The following TRPC1 variants were observed in gnomAD, a reference collection of about 807,000 sequenced individuals.
The protein encoded by TRPC1 is short transient receptor potential channel 1.
TRPC1 carries 42 observed loss-of-function variants against 88.2 expected under a neutral mutation model. That is an observed-to-expected ratio of 0.48 (90% CI 0.37 to 0.62). TRPC1 has a LOEUF of 0.62. Ranked by LOEUF, TRPC1 falls within the 20% of genes least tolerant of loss-of-function variation. The pLI is 0.00. For synonymous variants in TRPC1, 288 were observed against 331.8 expected (o/e 0.87, Z 1.43); for missense variants, 699 against 957.3 (o/e 0.73, Z 3.56).
In TRPC1 at chr3:142,804,170, T is replaced by C. The variant is rs143421763; in HGVS notation, c.1951T>C (p.Leu651=). 82 of 1,613,804 alleles carry C rather than the reference T, an allele frequency of 5.1e-5. No homozygotes were observed. In the African/African-American group the frequency reaches 1.0e-3, roughly 20 times the overall value. The change falls in exon 11 of 13, where the codon TTG becomes CTG. Residue 651 remains leucine (L), a synonymous_variant. Transcript: ENST00000476941. Reference sequence around the variant, plus strand: ...GGCAATGCTTCATAAAAGCTTTCAGTTGATAGCAGTAAGTTCATTCTTTTA... The same window carrying C: ...GGCAATGCTTCATAAAAGCTTTCAGCTGATAGCAGTAAGTTCATTCTTTTA... ...LVAMLHKSFQ[L]IANHEDKEWK...
intron 1 of TRPC1, among the ~76,000 whole-genome samples, chr3:142,726,456 A>C (rs1008960145): frequency 2.0e-5 from 3 of 152,166 alleles, no homozygotes; most frequent in African/African-American, 7.2e-5. Flanking sequence ...ATTTTATAAC[A>C]TAATTGAGAT....
At chr3:142,800,080 G>T (rs1936573316) in intron 9 of TRPC1, among the ~76,000 whole-genome samples, 1 of 152,110 alleles carries the variant, frequency 6.6e-6, no homozygotes, top group Admixed American at 6.6e-5. Context: ...TGTCATAAGG[G>T]ATTGAGTTCT....
At chr3:142,764,562 C>G (rs1467520527) in intron 4 of TRPC1, among the ~76,000 whole-genome samples, 1 of 151,640 alleles carries the variant, frequency 6.6e-6, no homozygotes, top group Non-Finnish European at 1.5e-5. Flanking sequence ...GCTTTTTTTT[C>G]CCTTTGGGCA....
intron 1 of TRPC1, among the ~76,000 whole-genome samples, chr3:142,732,812 G>A (rs1933974980): frequency 6.6e-6 from 1 of 152,134 alleles, no homozygotes; most frequent in Non-Finnish European, 1.5e-5. Context: ...AAGCAACTTC[G>A]TTATAAAATG....
chr3:142,771,589 A>G (rs1468662590), intron 4 of TRPC1, among the ~76,000 whole-genome samples: 1 of 152,184 alleles, frequency 6.6e-6, no homozygotes, highest in African/African-American at 2.4e-5. Context: ...TATTAATATT[A>G]CTAACCCAAG....
intron 10 of TRPC1, 111 bp from the exon 11 acceptor site, chr3:142,803,866 C>T: frequency 8.8e-7 from 1 of 1,135,104 alleles, no homozygotes; most frequent in East Asian, 2.6e-5. Context: ...AAATAAGGAA[C>T]TTTTCATGGA....
In TRPC1 at chr3:142,753,041, A is replaced by G. The variant is rs1017181157; in HGVS notation, c.632+4581A>G. Among the ~76,000 whole-genome samples, 5 of 152,322 alleles carry G rather than the reference A, an allele frequency of 3.3e-5. No individual in the cohort carries two copies. The East Asian group carries it at 9.6e-4, about 29-fold the overall frequency. On this transcript the variant is annotated intron_variant, in intron 4 of 12. Transcript: ENST00000476941. ...ACGTCTTTCCTTTCTGCATAGACAC[A>G]GTGACAGTCTGATCTCTCTTTCTTT...
Position 142,780,906 on chromosome 3 carries a change from T to G in TRPC1, c.837T>G (p.Ser279=), listed in dbSNP as rs149549632. The G allele has an allele frequency of 1.2e-5, 19 of 1,613,964 alleles. No homozygotes were observed. Among genetic ancestry groups the G allele is most frequent in the Non-Finnish European group, 1.4e-5 (17 of 1,179,874 alleles). ...ATTTACTTGCACAAGCCCGGAATTCTCGTGAATTGGAAGTTATTCTAAACC... is the reference window on the plus strand; with the variant it reads ...ATTTACTTGCACAAGCCCGGAATTCGCGTGAATTGGAAGTTATTCTAAACC... The part of the protein sequence containing the change: ...AKDLLAQARN[S]RELEVILNHT... The change falls in exon 6 of 13, where the codon TCT becomes TCG. Residue 279 remains serine, a synonymous_variant. Coordinates refer to ENST00000476941, the MANE Select transcript of TRPC1 (RefSeq NM_001251845.2).
chr3:142,769,412 T>TGAACTACTGGCCTC (rs1425726777), intron 4 of TRPC1, among the ~76,000 whole-genome samples: 1 of 152,134 alleles, frequency 6.6e-6, no homozygotes, highest in East Asian at 1.9e-4. Flanking sequence ...AGGCTGGTCT[T>TGAACTACTGGCCTC]GAACTACTGG....
At chr3:142,794,212 C>T (rs186727055) in intron 9 of TRPC1, among the ~76,000 whole-genome samples, 222 of 152,074 alleles carry the variant, frequency 1.5e-3, no homozygotes, top group African/African-American at 4.7e-3. Flanking sequence ...ATATCATCTA[C>T]GAATGCTTTA....
chr3:142,756,923 CTACTCTCTATCTTCAT>C (rs1194146756), intron 4 of TRPC1, among the ~76,000 whole-genome samples: 2 of 152,118 alleles, frequency 1.3e-5, no homozygotes, highest in Non-Finnish European at 2.9e-5. Context: ...AGCCACCAGT[CTACTCTCTATCTTCAT>C]GAGATCTACT....
chr3:142,729,112 G>A (rs781200213), intron 1 of TRPC1, among the ~76,000 whole-genome samples: 1 of 152,164 alleles, frequency 6.6e-6, no homozygotes, highest in South Asian at 2.1e-4. Context: ...CATGGCGAAC[G>A]GTTCAGGGAT....
At position 142,807,482 on chromosome 3, in the gene TRPC1, T is replaced by C. The variant is rs1010530671; in HGVS notation, c.*1247T>C. 4 of 152,236 alleles carry C rather than the reference T, an allele frequency of 2.6e-5. No individual in the cohort carries two copies. Among genetic ancestry groups the C allele is most frequent in the Non-Finnish European group, 4.4e-5 (3 of 68,036 alleles). The allele number at this position is 152,236 out of a possible 1,614,324, so 9.4% of individuals were successfully genotyped here. ...GAGGATATTAGGTATATAATTCTCTTCTTAACCGAATGTCAGATGGTCTTA... is the reference window on the plus strand; with the variant it reads ...GAGGATATTAGGTATATAATTCTCTCCTTAACCGAATGTCAGATGGTCTTA... On this transcript the variant is annotated 3_prime_UTR_variant, in exon 13 of 13. Transcript: ENST00000476941.
chr3:142,772,070 A>C (rs1049451522), intron 4 of TRPC1, among the ~76,000 whole-genome samples: 1 of 151,762 alleles, frequency 6.6e-6, no homozygotes, highest in South Asian at 2.1e-4. Flanking sequence ...GTGACCTGAT[A>C]TTTTTCTCTT....
chr3:142,752,192 C>A (rs969217090), intron 4 of TRPC1, among the ~76,000 whole-genome samples: 1 of 152,176 alleles, frequency 6.6e-6, no homozygotes, highest in Non-Finnish European at 1.5e-5. Flanking sequence ...AGGACCTGCA[C>A]CGGCACCGGC....
chr3:142,802,236 CT>C lies in TRPC1; in HGVS notation c.1652del (p.Phe551SerfsTer5). 6.3e-7 allele frequency: 1 copy of C among 1,598,124 alleles called. No homozygotes were observed. Among genetic ancestry groups the C allele is most frequent in the Non-Finnish European group, 8.5e-7 (1 of 1,173,686 alleles). On this transcript the variant is annotated frameshift_variant, in exon 10 of 13. Transcript: ENST00000476941. LOFTEE classifies it high-confidence loss of function. ...GGGATGTTTCTTCTTGTTTTGTTTT[CT>C]TTCACAATTGGACTGACACAACTGT... Reference protein sequence around the residue: ...FLGMFLLVLFSFTIGLTQLYD... With the variant: ...FLGMFLLVLFXFTIGLTQLYD...
At chr3:142,805,797 C>G (rs1433711374) in intron 12 of TRPC1, among the ~76,000 whole-genome samples, 1 of 152,012 alleles carries the variant, frequency 6.6e-6, no homozygotes, top group Non-Finnish European at 1.5e-5. Flanking sequence ...TAATTTTTTT[C>G]AATCAAGATA....
At chr3:142,771,954 C>G (rs908586180) in intron 4 of TRPC1, among the ~76,000 whole-genome samples, 5 of 151,972 alleles carry the variant, frequency 3.3e-5, no homozygotes, top group Admixed American at 3.3e-4. Flanking sequence ...TTATGATTAA[C>G]AATTTTTAAA....
chr3:142,780,797 A>G lies in TRPC1; in HGVS notation c.765-37A>G, dbSNP rs1359311641. On this transcript the variant is annotated intron_variant, in intron 5 of 12. Coordinates refer to ENST00000476941, the MANE Select transcript of TRPC1 (RefSeq NM_001251845.2). ...GAATATAGCTTAATTAGAAGATGGA[A>G]ACGACGTTTCTGATAATAGAATGCT... 4 of 1,541,968 alleles carry G rather than the reference A, an allele frequency of 2.6e-6. No homozygotes were observed. The Admixed American group carries it at 8.1e-5, about 31-fold the overall frequency.
Sources: allele counts gnomAD v4.1 joint callset (sites outside exome capture counted in the v4.1 genomes callset), GRCh38; gene constraint gnomAD v4.1.1; transcripts MANE v1.5; gene names NCBI Gene and HGNC (gene_info 2026-07-23, HGNC 2026-07-21).